The following HIVEP1 variants were observed in gnomAD, a reference collection of about 807,000 sequenced individuals.
HIVEP1 encodes HIVEP zinc finger 1, also known as zinc finger protein 40.
A neutral mutation model predicts 180.0 loss-of-function variants in HIVEP1; 36 were observed. The observed-to-expected ratio is 0.20, with a 90% CI of 0.15 to 0.26. The LOEUF is 0.26. Ranked by LOEUF, HIVEP1 falls within the 10% of genes least tolerant of loss-of-function variation. The pLI is 1.00. For missense variants in HIVEP1, 3,143 were observed against 3,268.7 expected (o/e 0.96, Z 0.94); for synonymous variants, 1,239 against 1,239.0 (o/e 1.00, Z 0.00).
At chr6:12,079,126 G>C (rs1772596003) in intron 2 of HIVEP1, among the ~76,000 whole-genome samples, 1 of 152,068 alleles carries the variant, frequency 6.6e-6, no homozygotes, top group African/African-American at 2.4e-5. Context: ...AACCAATGTT[G>C]TCATACTCTA....
chr6:12,027,376 A>G (rs1019922014), intron 2 of HIVEP1, among the ~76,000 whole-genome samples: 1 of 152,346 alleles, frequency 6.6e-6, no homozygotes, highest in East Asian at 1.9e-4. Flanking sequence ...TTGTGGTTTT[A>G]AAATGAAGGG....
downstream of HIVEP1, among the ~76,000 whole-genome samples, chr6:12,167,051 G>A (rs1760724365): frequency 1.4e-5 from 2 of 143,992 alleles, no homozygotes; most frequent in East Asian, 5.0e-4. Context: ...AAGCCAAAAT[G>A]ATAATTATTT....
chr6:12,190,823 T>G, the HIVEP1 span, among the ~76,000 whole-genome samples: 36,034 of 152,138 alleles, frequency 0.24, 4,703 homozygotes, highest in East Asian at 0.52. Flanking sequence ...TGGGTTGGAA[T>G]GCTAACATCT....
At chr6:12,081,525 C>A (rs1772786220) in intron 2 of HIVEP1, among the ~76,000 whole-genome samples, 1 of 152,104 alleles carries the variant, frequency 6.6e-6, no homozygotes, top group African/African-American at 2.4e-5. Context: ...TCTTTTCCTT[C>A]CCTCTGGCCT....
intron 2 of HIVEP1, among the ~76,000 whole-genome samples, chr6:12,055,341 C>CAG (rs1406180167): frequency 2.0e-5 from 3 of 152,096 alleles, no homozygotes; most frequent in Non-Finnish European, 4.4e-5. Flanking sequence ...GGCATGGTGG[C>CAG]ACGTGCCTGT....
the HIVEP1 span, among the ~76,000 whole-genome samples, chr6:12,186,563 G>GGGTATA: frequency 2.1e-5 from 2 of 97,402 alleles, no homozygotes; most frequent in African/African-American, 3.9e-5. Flanking sequence ...AAAAAAAAAG[G>GGGTATA]CGTATACTAA....
At chr6:12,160,645 G>C (rs1760338778) in intron 7 of HIVEP1, among the ~76,000 whole-genome samples, 3 of 152,182 alleles carry the variant, frequency 2.0e-5, no homozygotes, top group African/African-American at 7.2e-5. Flanking sequence ...GGCAGGGGAG[G>C]GGGGCCGGTG....
intron 3 of HIVEP1, among the ~76,000 whole-genome samples, chr6:12,108,309 G>A (rs2094807758): frequency 6.6e-6 from 1 of 152,234 alleles, no homozygotes; most frequent in Non-Finnish European, 1.5e-5. Flanking sequence ...CCAGACTCAG[G>A]AGCCCAGCTG....
At chr6:12,072,573 A>G (rs1772047073) in intron 2 of HIVEP1, among the ~76,000 whole-genome samples, 1 of 152,020 alleles carries the variant, frequency 6.6e-6, no homozygotes, top group Non-Finnish European at 1.5e-5. Context: ...CCCTTTTTCC[A>G]GCTCTCTCTT....
chr6:12,037,030 A>G (rs1255681348), intron 2 of HIVEP1, among the ~76,000 whole-genome samples: 1 of 152,206 alleles, frequency 6.6e-6, no homozygotes, highest in East Asian at 1.9e-4. Context: ...GAATGGAGGC[A>G]ACCATGGAAA....
chr6:12,122,646 T>A lies in HIVEP1; in HGVS notation c.2851T>A (p.Ser951Thr), dbSNP rs1467483649. 36 of 1,613,602 alleles carry A rather than the reference T, an allele frequency of 2.2e-5. No homozygotes were observed. Among genetic ancestry groups the A allele is most frequent in the Non-Finnish European group, 2.8e-5 (33 of 1,179,960 alleles). The change falls in exon 4 of 9, where the codon TCT becomes ACT. Residue 951 changes from serine (S) to threonine (T), a missense_variant. Physicochemically the swap from Ser to Thr is moderately conservative, Grantham distance 58. Coordinates refer to ENST00000379388, the MANE Select transcript of HIVEP1 (RefSeq NM_002114.4). The stretch of plus-strand genomic sequence containing the variant: ...AGGCCCACATATAGAAAAAAAGAAG[T>A]CTCATCAAGGGCGAGGGACAATGTT... The part of the protein sequence containing the change: ...AQGPHIEKKK[S>T]HQGRGTMFEC...
intron 7 of HIVEP1, among the ~76,000 whole-genome samples, chr6:12,155,104 T>G (rs1312688777): frequency 2.0e-5 from 3 of 152,226 alleles, no homozygotes; most frequent in African/African-American, 7.2e-5. Flanking sequence ...CTAATGAAAG[T>G]TTTGAATACG....
At chr6:12,041,502 TG>T (rs1769721844) in intron 2 of HIVEP1, among the ~76,000 whole-genome samples, 1 of 147,516 alleles carries the variant, frequency 6.8e-6, no homozygotes, top group South Asian at 2.2e-4. Flanking sequence ...CTAGCTTACA[TG>T]TTTTTTTTTT....
At chr6:12,026,476 T>C (rs73724339) in intron 2 of HIVEP1, among the ~76,000 whole-genome samples, 8 of 152,138 alleles carry the variant, frequency 5.3e-5, no homozygotes, top group African/African-American at 2.4e-5. Context: ...CAGAAGTGAT[T>C]GTTGGTTTAG....
intron 7 of HIVEP1, among the ~76,000 whole-genome samples, chr6:12,137,103 A>G (rs1758747840): frequency 6.6e-6 from 1 of 152,236 alleles, no homozygotes; most frequent in Non-Finnish European, 1.5e-5. Flanking sequence ...ATAAATATAC[A>G]AGAGAAATGA....
At chr6:12,148,794 T>G (rs965362506) in intron 7 of HIVEP1, among the ~76,000 whole-genome samples, 2 of 152,198 alleles carry the variant, frequency 1.3e-5, no homozygotes, top group Non-Finnish European at 1.5e-5. Flanking sequence ...CCTTTCATTA[T>G]GTCTTCACAC....
the HIVEP1 span, among the ~76,000 whole-genome samples, chr6:12,173,628 A>G: frequency 1.3e-5 from 2 of 152,234 alleles, no homozygotes; most frequent in African/African-American, 4.8e-5. Context: ...GTGAATAATT[A>G]GATAACTTTT....
At chr6:12,036,500 A>G (rs1187863088) in intron 2 of HIVEP1, among the ~76,000 whole-genome samples, 2 of 152,202 alleles carry the variant, frequency 1.3e-5, no homozygotes, top group African/African-American at 4.8e-5. Context: ...CAGTTAATTC[A>G]TCAATCTGTG....
At chr6:12,157,979 T>G (rs1409957793) in intron 7 of HIVEP1, among the ~76,000 whole-genome samples, 1 of 152,222 alleles carries the variant, frequency 6.6e-6, no homozygotes, top group Non-Finnish European at 1.5e-5. Context: ...TTTTAATAGT[T>G]GTCAGCACTC....
Sources: gnomAD v4.1 joint callset for allele counts (sites outside exome capture counted in the v4.1 genomes callset) on GRCh38, gnomAD v4.1.1 for gene constraint, MANE v1.5 for transcripts, NCBI Gene and HGNC (gene_info 2026-07-23, HGNC 2026-07-21) for gene names.